ADAM8: variants seen among roughly 807,000 people sequenced by gnomAD.
ADAM8 encodes the protein disintegrin and metalloproteinase domain-containing protein 8.
In ADAM8, 104 loss-of-function variants were observed where a neutral mutation model predicts 102.4. The observed-to-expected ratio is 1.02, with a 90% CI of 0.87 to 1.20. The LOEUF is 1.20. Ranked by LOEUF, ADAM8 falls within the 50% of genes most tolerant of loss-of-function variation. The probability of loss-of-function intolerance (pLI) is 0.00; values close to 1 mark genes in which losing one functional copy is unlikely to be tolerated. For synonymous variants in ADAM8, 517 were observed against 485.2 expected, an observed-to-expected ratio of 1.07 and a Z score of -0.86; for missense variants, 1,132 against 1,159.0, an observed-to-expected ratio of 0.98 and a Z score of 0.34.
At chr10:133,275,791 T>C (rs1295452879) in intron 1 of ADAM8, 4 of 514,358 alleles carry the variant, frequency 7.8e-6, no homozygotes, top group East Asian at 3.5e-5. Context: ...GGTGGGCCTG[T>C]GTCCTGCAGC....
chr10:133,271,844 G>T lies in ADAM8; in HGVS notation c.1068C>A (p.Arg356=), dbSNP rs894969146. The T allele has an allele frequency of 2.5e-6, 4 of 1,612,492 alleles. No homozygotes were observed. Among genetic ancestry groups the T allele is most frequent in the Non-Finnish European group, 3.4e-6 (4 of 1,179,788 alleles). Residue 356 remains arginine, a synonymous_variant, in exon 11 of 23, where the codon CGC becomes CGA. Coordinates refer to ENST00000445355, the MANE Select transcript of ADAM8 (RefSeq NM_001109.5). ...CCATGATGCAGCGGCCGGCCTCGAAGCGTTCCTGGCAGCGGCAGCCCTGGA... is the reference window on the plus strand; with the variant it reads ...CCATGATGCAGCGGCCGGCCTCGAATCGTTCCTGGCAGCGGCAGCCCTGGA... ...ENVQGCRCQE[R]FEAGRCIMAG...
In ADAM8 at chr10:133,271,600, G is replaced by T. The variant is rs1313754124; in HGVS notation, c.1212C>A (p.His404Gln). The change falls in exon 12 of 23, where the codon CAC (histidine) becomes CAA (glutamine). Residue 404 changes from histidine to glutamine, a missense_variant. Physicochemically the swap from His to Gln is conservative, Grantham distance 24. Transcript: ENST00000445355. ...TCCCACACACGGGGCCGCCCACCAG[G>T]TGGCTGAGGTCAGGGGCGTTGGCGA... ...VCLANAPDLS[H>Q]LVGGPVCGNL... 11 of 1,557,694 alleles carry T rather than the reference G, an allele frequency of 7.1e-6. No individual in the cohort carries two copies. Among genetic ancestry groups the T allele is most frequent in the African/African-American group, 5.4e-5 (4 of 73,846 alleles).
chr10:133,267,612 G>A (rs1376472627), intron 20 of ADAM8, among the ~76,000 whole-genome samples, 195 bp from the exon 21 acceptor site: 1 of 152,224 alleles, frequency 6.6e-6, no homozygotes, highest in African/African-American at 2.4e-5. Context: ...CTGGGGGCCG[G>A]AGAGCATTTG....
Position 133,273,420 on chromosome 10 carries a change from T to G in ADAM8, c.407A>C (p.Asp136Ala). The change falls in exon 6 of 23, where the codon GAC (aspartate) becomes GCC (alanine). Residue 136 changes from aspartate (D) to alanine (A), a missense_variant. Asp to Ala is a moderately radical substitution (Grantham distance 126, BLOSUM62 -2). Transcript: ENST00000445355. ...ATCCAGGGGCTCGATCAGGTGCAGGTCTGACCCCACCTGGAAGAAACCCCT... is the reference window on the plus strand; with the variant it reads ...ATCCAGGGGCTCGATCAGGTGCAGGGCTGACCCCACCTGGAAGAAACCCCT... ...GLRGFFQVGS[D>A]LHLIEPLDEG... The G allele has an allele frequency of 6.5e-7, 1 of 1,543,842 alleles. No homozygotes were observed. The highest frequency in any genetic ancestry group is 8.8e-7 in the Non-Finnish European group (1 of 1,142,514).
At position 133,269,860 on chromosome 10, in the gene ADAM8, TCTGTGCAGGGGCCCTGTCCCGA is replaced by T. The variant is rs781215300; in HGVS notation, c.1863+15_1863+36del. 5.0e-6 allele frequency: 8 copies of T among 1,607,258 alleles called. No homozygotes were observed. Among genetic ancestry groups the T allele is most frequent in the Non-Finnish European group, 6.8e-6 (8 of 1,175,636 alleles). ...CACCGGCTCCCTCAGAGCGGCAGCCTCTGTGCAGGGGCCCTGTCCCGAGAGGCCACACATACCCCATGGTTGT... is the reference window on the plus strand; with the variant it reads ...CACCGGCTCCCTCAGAGCGGCAGCCTGAGGCCACACATACCCCATGGTTGT... On this transcript the variant is annotated intron_variant, in intron 17 of 22. Coordinates refer to ENST00000445355, the MANE Select transcript of ADAM8 (RefSeq NM_001109.5).
Position 133,263,671 on chromosome 10 carries a change from G to T in ADAM8, c.2397+17C>A. 6.6e-7 allele frequency: 1 copy of T among 1,508,446 alleles called. No homozygotes were observed. Among genetic ancestry groups the T allele is most frequent in the Non-Finnish European group, 8.8e-7 (1 of 1,131,520 alleles). 93.4% of individuals were successfully genotyped at this position (1,508,446 alleles called of 1,614,324 possible). A position where few individuals can be genotyped will look rare whatever the true frequency, so the allele number is the denominator to read the frequency against. On this transcript the variant is annotated intron_variant, in intron 22 of 22. Coordinates refer to ENST00000445355, the MANE Select transcript of ADAM8 (RefSeq NM_001109.5). ...CATTGCACAGTGGACTCTGCCTGGT[G>T]TGTGCTGGGGCCTCACCTCAGCTGG...
At chr10:133,263,609 A>AGTGCTACCGTCAGCCCCGTGGGGAGGCC in intron 22 of ADAM8, 79 bp downstream of exon 22, 4 of 64,732 alleles carry the variant, frequency 6.2e-5, no homozygotes, top group Non-Finnish European at 7.2e-5. Context: ...CCTCCAGGGC[A>AGTGCTACCGTCAGCCCCGTGGGGAGGCC]GTGCCACCGT....
chr10:133,265,383 C>G (rs931985012), intron 21 of ADAM8, among the ~76,000 whole-genome samples: 2 of 152,232 alleles, frequency 1.3e-5, no homozygotes, highest in Non-Finnish European at 1.5e-5. Context: ...TCTCTCTGCC[C>G]CCTTCAGGCC....
At chr10:133,264,771 G>C (rs77466567) in intron 21 of ADAM8, among the ~76,000 whole-genome samples, 195 of 84,580 alleles carry the variant, frequency 2.3e-3, no homozygotes, top group Middle Eastern at 0.018. Context: ...AGCCTCTGCC[G>C]CATCTACCTC....
intron 21 of ADAM8, 130 bp from the exon 22 acceptor site, chr10:133,263,895 C>T (rs535314271): frequency 1.8e-5 from 14 of 778,468 alleles, no homozygotes; most frequent in Middle Eastern, 2.4e-4. Context: ...AGCCTGCAGG[C>T]TCCGCCCCCA....
intron 7 of ADAM8, 40 bp downstream of exon 7, chr10:133,272,917 G>A (rs761192218): frequency 9.3e-6 from 15 of 1,611,232 alleles, no homozygotes; most frequent in Middle Eastern, 3.3e-4. Context: ...CCATGCCCCC[G>A]CCGCCGGCTG....
At chr10:133,263,474 G>A (rs1387588321) in intron 22 of ADAM8, among the ~76,000 whole-genome samples, 1 of 152,140 alleles carries the variant, frequency 6.6e-6, no homozygotes, top group African/African-American at 2.4e-5. Flanking sequence ...TGACAGCCGG[G>A]GTCGGCATCT....
At chr10:133,264,865 G>A (rs1179476536) in intron 21 of ADAM8, among the ~76,000 whole-genome samples, 15 of 135,590 alleles carry the variant, frequency 1.1e-4, no homozygotes, top group Non-Finnish European at 2.3e-4. Context: ...CTACCTCCAC[G>A]CCTGTTCCTG....
intron 5 of ADAM8, 138 bp from the exon 6 acceptor site, chr10:133,273,581 C>T: frequency 7.8e-7 from 1 of 1,279,650 alleles, no homozygotes; most frequent in Non-Finnish European, 1.1e-6. Context: ...ACTTCAGGCC[C>T]CAGGGTACAG....
intron 19 of ADAM8, 138 bp from the exon 20 acceptor site, chr10:133,268,256 C>T (rs1846395079): frequency 5.1e-6 from 4 of 789,212 alleles, no homozygotes; most frequent in Non-Finnish European, 7.0e-6. Flanking sequence ...GACAGACAGG[C>T]CCAGGAGGTG....
In ADAM8 at chr10:133,273,827, G is replaced by A. The variant is rs1164333667; in HGVS notation, c.318C>T (p.Phe106=). The A allele has an allele frequency of 7.1e-6, 11 of 1,549,348 alleles. No individual in the cohort carries two copies. The East Asian group carries it at 1.5e-4, about 21-fold the overall frequency. Residue 106 remains phenylalanine (F), a synonymous_variant, in exon 5 of 23, where the codon TTC becomes TTT. Transcript: ENST00000445355. ...TEQPRGQDHC[F]YQGHVEGYPD... is the part of the protein sequence containing the mutation. ...GGTACCCCTCTACGTGGCCCTGGTA[G>A]AAGCAGTGGTCCTGCGGGGGAAGCA... is the stretch of plus-strand genomic sequence containing the variant.
rs1318248891 is a variant in ADAM8, at chr10:133,271,551, GC to G, written c.1260del (p.Glu420AspfsTer40). 1 of 1,558,188 alleles carries G rather than the reference GC, an allele frequency of 6.4e-7. No homozygotes were observed. The highest frequency in any genetic ancestry group is 2.4e-5 in the East Asian group (1 of 42,442). On this transcript the variant is annotated frameshift_variant, in exon 12 of 23. Coordinates refer to ENST00000445355, the MANE Select transcript of ADAM8 (RefSeq NM_001109.5). LOFTEE classifies it high-confidence loss of function. ...ACCTCGGGGGGGCCGCAGTCGCACT[GC>G]TCCCCACGCTCCACAAACAGGTTCC... ...VCGNLFVERG[E>X]QCDCGPPEDC...
chr10:133,264,507 C>T (rs1468982036), intron 21 of ADAM8, among the ~76,000 whole-genome samples: 2 of 152,234 alleles, frequency 1.3e-5, no homozygotes, highest in African/African-American at 4.8e-5. Context: ...GAGCTCACTC[C>T]TGGCTGTGTC....
intron 16 of ADAM8, 127 bp from the exon 17 acceptor site, chr10:133,270,101 A>T (rs1323003824): frequency 1.6e-6 from 2 of 1,214,018 alleles, no homozygotes; most frequent in Non-Finnish European, 2.3e-6. Flanking sequence ...GCTTCAGCCC[A>T]TCTGCCGGCT....
Sources: allele counts gnomAD v4.1 joint callset (sites outside exome capture counted in the v4.1 genomes callset), GRCh38; gene constraint gnomAD v4.1.1; transcripts MANE v1.5; gene names NCBI Gene and HGNC (gene_info 2026-07-23, HGNC 2026-07-21).